The following CSGALNACT1 variants were observed in gnomAD, a reference collection of about 807,000 sequenced individuals.
The protein encoded by CSGALNACT1 is chondroitin sulfate N-acetylgalactosaminyltransferase 1.
CSGALNACT1 carries 52 observed loss-of-function variants against 51.0 expected under a neutral mutation model. That is an observed-to-expected ratio of 1.02 (90% CI 0.82 to 1.29). The LOEUF is 1.29. Ranked by LOEUF, CSGALNACT1 falls within the 50% of genes most tolerant of loss-of-function variation. The pLI, the probability that CSGALNACT1 is intolerant of heterozygous loss-of-function variation, is 0.00. For synonymous variants in CSGALNACT1, 341 were observed against 254.4 expected (o/e 1.34, Z -3.24); for missense variants, 935 against 679.2 (o/e 1.38, Z -4.19).
intron 1 of CSGALNACT1, among the ~76,000 whole-genome samples, chr8:19,740,087 C>T (rs948112981): frequency 3.3e-5 from 5 of 152,174 alleles, no homozygotes; most frequent in African/African-American, 1.2e-4. Context: ...GCCCCCAACC[C>T]TACCCCTGCA....
intron 3 of CSGALNACT1, among the ~76,000 whole-genome samples, chr8:19,552,494 T>C (rs1381623882): frequency 1.3e-5 from 2 of 152,088 alleles, no homozygotes; most frequent in South Asian, 4.1e-4. Context: ...ACCAAGTTTC[T>C]TTTTTTTGTC....
chr8:19,453,320 C>T (rs1213619734), intron 5 of CSGALNACT1, among the ~76,000 whole-genome samples: 1 of 152,090 alleles, frequency 6.6e-6, no homozygotes, highest in African/African-American at 2.4e-5. Flanking sequence ...AATAAATCAA[C>T]AGCCAAAATG....
intron 3 of CSGALNACT1, among the ~76,000 whole-genome samples, chr8:19,574,358 A>G (rs1251488097): frequency 6.6e-6 from 1 of 152,158 alleles, no homozygotes; most frequent in Non-Finnish European, 1.5e-5. Flanking sequence ...AACAACTTCC[A>G]CAGCCTCTTG....
At chr8:19,469,323 C>T (rs13267801) in intron 4 of CSGALNACT1, among the ~76,000 whole-genome samples, 1 of 151,902 alleles carries the variant, frequency 6.6e-6, no homozygotes, top group Non-Finnish European at 1.5e-5. Context: ...CCCAGGAGAT[C>T]GAGGCTACAG....
intron 5 of CSGALNACT1, among the ~76,000 whole-genome samples, chr8:19,456,721 A>C (rs995786817): frequency 7.2e-5 from 11 of 152,232 alleles, no homozygotes; most frequent in African/African-American, 2.7e-4. Flanking sequence ...AGTATTCTAC[A>C]AACTGGGAAA....
rs547481328 is a variant in CSGALNACT1 at position 19,665,862 on chromosome 8, A to C, written c.-544+16611T>G. Among the ~76,000 whole-genome samples the C allele has an allele frequency of 5.9e-5, 9 of 152,342 alleles. No individual in the cohort carries two copies. The East Asian group carries it at 1.7e-3, about 29-fold the overall frequency. ...ACACATTCTCTATTCATTTACAGTT[A>C]ACATTTCAACTTCCTCTTAGTCTCA... On this transcript the variant is annotated intron_variant, in intron 1 of 9. Transcript: ENST00000332246.
chr8:19,505,067 G>A lies in CSGALNACT1; in HGVS notation c.634+134C>T, dbSNP rs111831794. On this transcript the variant is annotated intron_variant, in intron 4 of 9. Coordinates refer to ENST00000454498, the Ensembl canonical transcript of CSGALNACT1. ...ATAAAAAGCCATGCCGTACCTTTTG[G>A]TGTCACACACATAAAACTTTCCGCC... 374 of 882,990 alleles carry A rather than the reference G, an allele frequency of 4.2e-4. 1 individual carries two copies. In the African/African-American group the frequency reaches 5.4e-3, roughly 13 times the overall value. The allele number at this position is 882,990 out of a possible 1,614,324, so 54.7% of individuals were successfully genotyped here.
upstream of CSGALNACT1, chr8:19,682,926 A>G (rs4921665): frequency 0.3 from 102,548 of 340,028 alleles, 15,964 homozygotes; most frequent in African/African-American, 0.39. Context: ...AATCCCAATT[A>G]CCTGTACTTA....
intron 2 of CSGALNACT1, among the ~76,000 whole-genome samples, chr8:19,594,809 T>A (rs553097035): frequency 6.6e-6 from 1 of 152,074 alleles, no homozygotes; most frequent in East Asian, 1.9e-4. Context: ...ACCTTGGCCT[T>A]CCACAGTGCA....
intron 1 of CSGALNACT1, among the ~76,000 whole-genome samples, chr8:19,738,087 G>T (rs35192805): frequency 6.6e-6 from 1 of 152,000 alleles, no homozygotes; most frequent in Admixed American, 6.6e-5. Context: ...GTAGCCAGGC[G>T]CCATGGTTTG....
chr8:19,534,578 C>T (rs1314371361), intron 3 of CSGALNACT1, among the ~76,000 whole-genome samples: 1 of 151,982 alleles, frequency 6.6e-6, no homozygotes, highest in African/African-American at 2.4e-5. Flanking sequence ...CAATCATGAC[C>T]CTGCAGGTAC....
chr8:19,644,583 G>A (rs201412903), intron 1 of CSGALNACT1, among the ~76,000 whole-genome samples: 12 of 151,532 alleles, frequency 7.9e-5, no homozygotes, highest in East Asian at 7.8e-4. Flanking sequence ...AGTGGCATGC[G>A]CCTGTAATCC....
At chr8:19,457,621 A>C (rs1353832297) in intron 5 of CSGALNACT1, 1 of 1,253,050 alleles carries the variant, frequency 8.0e-7, no homozygotes, top group South Asian at 1.2e-5. Context: ...TCAAAAAAAA[A>C]GAAATAAAAA....
At chr8:19,575,372 C>T (rs943689391) in intron 3 of CSGALNACT1, among the ~76,000 whole-genome samples, 1 of 152,190 alleles carries the variant, frequency 6.6e-6, no homozygotes, top group Non-Finnish European at 1.5e-5. Context: ...ACAGCACCAC[C>T]TATTAAGTAT....
chr8:19,448,168 G>A (rs1369293324), intron 5 of CSGALNACT1, among the ~76,000 whole-genome samples: 2 of 152,182 alleles, frequency 1.3e-5, no homozygotes, highest in Non-Finnish European at 2.9e-5. Flanking sequence ...TGCCAGAGTA[G>A]GGGAGAGAGA....
intron 3 of CSGALNACT1, among the ~76,000 whole-genome samples, chr8:19,584,920 T>C (rs188094115): frequency 4.6e-4 from 70 of 152,258 alleles, no homozygotes; most frequent in Admixed American, 1.9e-3. Context: ...GACAGCAGGA[T>C]GGGGCAGGGG....
At chr8:19,478,413 CAAAAAAAAAAAA>C (rs55767885) in intron 4 of CSGALNACT1, among the ~76,000 whole-genome samples, 2 of 70,820 alleles carry the variant, frequency 2.8e-5, no homozygotes, top group Non-Finnish European at 5.2e-5. Context: ...GACTCCGTCT[CAAAAAAAAAAAA>C]AAAAAAAAAA....
intron 1 of CSGALNACT1, among the ~76,000 whole-genome samples, chr8:19,694,745 C>T (rs1182225962): frequency 6.6e-6 from 1 of 152,192 alleles, no homozygotes; most frequent in Non-Finnish European, 1.5e-5. Flanking sequence ...CTCAGCTATT[C>T]CCAGTCTGCC....
intron 1 of CSGALNACT1, among the ~76,000 whole-genome samples, chr8:19,733,262 C>G (rs1349766832): frequency 1.3e-5 from 2 of 152,144 alleles, no homozygotes; most frequent in Non-Finnish European, 2.9e-5. Context: ...ATTCCAAGTT[C>G]ACATTTTATA....
Sources: allele counts gnomAD v4.1 joint callset (sites outside exome capture counted in the v4.1 genomes callset), GRCh38; gene constraint gnomAD v4.1.1; transcripts MANE v1.5; gene names NCBI Gene and HGNC (gene_info 2026-07-23, HGNC 2026-07-21).